Variants in SAXO1 observed in about 807,000 individuals in gnomAD.
SAXO1 encodes stabilizer of axonemal microtubules 1.
Under a neutral mutation model 17.5 loss-of-function variants are expected in SAXO1, and 21 were observed. The observed-to-expected ratio is 1.20, with a 90% CI of 0.85 to 1.72. The LOEUF is 1.72. SAXO1 is among the 40% of genes most tolerant of loss of function. The pLI is 0.00. For missense variants in SAXO1, 843 were observed against 596.0 expected (o/e 1.41, Z -4.32); for synonymous variants, 274 against 216.5 (o/e 1.27, Z -2.33).
chr9:19,011,771 C>T (rs1255303586), intron 1 of SAXO1, among the ~76,000 whole-genome samples: 5 of 151,950 alleles, frequency 3.3e-5, no homozygotes, highest in Admixed American at 3.3e-4. Context: ...CACTTCAGCT[C>T]TTTCTTCCTC....
chr9:18,981,007 GA>G (rs1833365038), intron 1 of SAXO1, among the ~76,000 whole-genome samples: 1 of 152,118 alleles, frequency 6.6e-6, no homozygotes, highest in Admixed American at 6.5e-5. Flanking sequence ...ACGGATTTGT[GA>G]AATTCAAATC....
At chr9:19,042,799 T>G (rs1588578155) in intron 1 of SAXO1, among the ~76,000 whole-genome samples, 1 of 150,984 alleles carries the variant, frequency 6.6e-6, no homozygotes, top group Non-Finnish European at 1.5e-5. Context: ...GAGGCGGAGG[T>G]TGTGTTGAGC....
rs188432137 is a variant in SAXO1 at position 18,935,390 on chromosome 9, C to T, written c.421+6247G>A. Among the ~76,000 whole-genome samples the T allele has an allele frequency of 1.1e-4, 16 of 152,170 alleles. No individual in the cohort carries two copies. The East Asian group carries it at 3.1e-3, about 29-fold the overall frequency. On this transcript the variant is annotated intron_variant, in intron 3 of 3. Transcript: ENST00000380534. ...ATAAGTCTCATTTGGCTTTTACTTC[C>T]TATTGGGCTTTCTCATGCCTCCCCT...
intron 1 of SAXO1, among the ~76,000 whole-genome samples, chr9:19,022,269 C>T (rs1435886821): frequency 6.6e-6 from 1 of 152,214 alleles, no homozygotes; most frequent in Non-Finnish European, 1.5e-5. Context: ...ACTCTGGACA[C>T]ATCTGAACAT....
chr9:19,036,653 T>A (rs547313503), upstream of SAXO1, among the ~76,000 whole-genome samples: 3 of 152,134 alleles, frequency 2.0e-5, no homozygotes, highest in African/African-American at 7.2e-5. Flanking sequence ...AAGTCAAGAA[T>A]TGAGGTTTGG....
At chr9:18,970,041 T>C (rs1832888423) in intron 1 of SAXO1, among the ~76,000 whole-genome samples, 1 of 152,150 alleles carries the variant, frequency 6.6e-6, no homozygotes, top group Admixed American at 6.5e-5. Context: ...AGCACAGAGC[T>C]TGGAGATGGG....
upstream of SAXO1, among the ~76,000 whole-genome samples, chr9:19,037,542 G>C (rs890458626): frequency 1.3e-5 from 2 of 152,090 alleles, no homozygotes; most frequent in Non-Finnish European, 2.9e-5. Context: ...TTCCGCTTTT[G>C]CATCCTCCTC....
intron 1 of SAXO1, among the ~76,000 whole-genome samples, chr9:19,020,552 T>C (rs954672455): frequency 6.6e-6 from 1 of 152,122 alleles, no homozygotes; most frequent in African/African-American, 2.4e-5. Context: ...AGAAACAGGG[T>C]TTCACCATGC....
intron 1 of SAXO1, among the ~76,000 whole-genome samples, chr9:19,042,651 T>G (rs1413049977): frequency 1.4e-5 from 2 of 145,842 alleles, no homozygotes; most frequent in African/African-American, 2.6e-5. Flanking sequence ...TCACCAGAGG[T>G]TGGGAATTCA....
chr9:18,995,940 G>C (rs1330177971), intron 1 of SAXO1, among the ~76,000 whole-genome samples: 1 of 152,060 alleles, frequency 6.6e-6, no homozygotes, highest in Admixed American at 6.5e-5. Context: ...CTAGCTGGAA[G>C]TGGTGGTGTA....
intron 3 of SAXO1, 110 bp from the exon 4 acceptor site, chr9:18,929,165 G>A: frequency 8.3e-7 from 1 of 1,206,172 alleles, no homozygotes; most frequent in South Asian, 1.5e-5. Context: ...TGTTCTTTGA[G>A]ACAAAGAAAG....
At chr9:19,015,114 G>C (rs1043882382) in intron 1 of SAXO1, among the ~76,000 whole-genome samples, 1 of 152,080 alleles carries the variant, frequency 6.6e-6, no homozygotes, top group African/African-American at 2.4e-5. Flanking sequence ...TTCCAAAAAA[G>C]CCTAAGGACA....
At position 19,032,852 on chromosome 9, in the gene SAXO1, C is replaced by T. The variant is rs1185509983; in HGVS notation, c.38+19G>A. On this transcript the variant is annotated intron_variant, in intron 1 of 3. Transcript: ENST00000380534. Reference sequence around the variant, plus strand: ...AAACCCAGGCTCCCCCAGCCTTGCCCTGGGCGTGGCCACCTTACCCGCAGG... The same window carrying T: ...AAACCCAGGCTCCCCCAGCCTTGCCTTGGGCGTGGCCACCTTACCCGCAGG... The T allele has an allele frequency of 1.2e-6, 2 of 1,609,258 alleles. No individual in the cohort carries two copies. The highest frequency in any genetic ancestry group is 1.7e-6 in the Non-Finnish European group (2 of 1,179,434).
chr9:19,021,935 G>A (rs2131020267), intron 1 of SAXO1, among the ~76,000 whole-genome samples: 3 of 152,334 alleles, frequency 2.0e-5, no homozygotes, highest in Middle Eastern at 6.8e-3. Context: ...GGAAATAAAA[G>A]CTGGCCACCC....
intron 3 of SAXO1, among the ~76,000 whole-genome samples, chr9:18,935,317 G>A (rs1194323884): frequency 1.3e-5 from 2 of 152,156 alleles, no homozygotes; most frequent in African/African-American, 4.8e-5. Flanking sequence ...CTTTGCCAAT[G>A]GAGCTGTGTG....
At chr9:18,946,721 G>A (rs1831813743) in intron 2 of SAXO1, among the ~76,000 whole-genome samples, 1 of 152,110 alleles carries the variant, frequency 6.6e-6, no homozygotes, top group African/African-American at 2.4e-5. Context: ...GGATTTTAAA[G>A]TAGCTTTTTA....
At chr9:18,998,494 G>C (rs1205789470) in intron 1 of SAXO1, among the ~76,000 whole-genome samples, 1 of 152,200 alleles carries the variant, frequency 6.6e-6, no homozygotes, top group Non-Finnish European at 1.5e-5. Context: ...TCTGATTGGT[G>C]TACCTGAAAG....
At chr9:19,040,517 A>G (rs1417150433) in intron 1 of SAXO1, among the ~76,000 whole-genome samples, 1 of 151,958 alleles carries the variant, frequency 6.6e-6, no homozygotes, top group Non-Finnish European at 1.5e-5. Context: ...AGTGGCACGC[A>G]CCTGTAATCC....
At chr9:18,999,133 A>G (rs979645019) in intron 1 of SAXO1, among the ~76,000 whole-genome samples, 2 of 152,260 alleles carry the variant, frequency 1.3e-5, no homozygotes, top group Non-Finnish European at 2.9e-5. Flanking sequence ...AATGGGCTAA[A>G]TGCTCCAATT....
Sources: gnomAD v4.1 joint callset for allele counts (sites outside exome capture counted in the v4.1 genomes callset) on GRCh38, gnomAD v4.1.1 for gene constraint, MANE v1.5 for transcripts, NCBI Gene and HGNC (gene_info 2026-07-23, HGNC 2026-07-21) for gene names.